The following CACNA2D3 variants were observed in gnomAD, a reference collection of about 807,000 sequenced individuals.
CACNA2D3 encodes voltage-dependent calcium channel subunit alpha-2/delta-3.
In CACNA2D3, 60 loss-of-function variants were observed where a neutral mutation model predicts 160.6. That is an observed-to-expected ratio of 0.37 (90% CI 0.30 to 0.46). The LOEUF (loss-of-function observed/expected upper bound fraction) is 0.46, where lower values mean the gene tolerates loss of function less well. CACNA2D3 is among the 20% of genes least tolerant of loss of function. The pLI is 1.00. For synonymous variants in CACNA2D3, 558 were observed against 492.9 expected (o/e 1.13, Z -1.75); for missense variants, 1,205 against 1,365.0 (o/e 0.88, Z 1.85).
At chr3:54,643,164 T>A (rs529098) in intron 11 of CACNA2D3, among the ~76,000 whole-genome samples, 4 of 152,106 alleles carry the variant, frequency 2.6e-5, no homozygotes, top group South Asian at 2.1e-4. Context: ...GGCCAAGTCC[T>A]TACTGCTTTA....
chr3:54,291,238 A>G (rs983535511), intron 2 of CACNA2D3, among the ~76,000 whole-genome samples: 1 of 152,212 alleles, frequency 6.6e-6, no homozygotes, highest in African/African-American at 2.4e-5. Flanking sequence ...TACTTGTTTA[A>G]TAAAGAAAAT....
chr3:54,517,020 G>A (rs1701562240), intron 5 of CACNA2D3, among the ~76,000 whole-genome samples: 1 of 152,198 alleles, frequency 6.6e-6, no homozygotes, highest in African/African-American at 2.4e-5. Context: ...GAGTTGGGTG[G>A]TGGTGATTTG....
At chr3:54,633,393 C>A (rs573044104) in intron 10 of CACNA2D3, among the ~76,000 whole-genome samples, 2 of 152,118 alleles carry the variant, frequency 1.3e-5, no homozygotes, top group Non-Finnish European at 2.9e-5. Context: ...ATAATGATAG[C>A]GTTGGAAGAC....
At chr3:54,397,554 C>T (rs898187108) in intron 4 of CACNA2D3, among the ~76,000 whole-genome samples, 3 of 144,634 alleles carry the variant, frequency 2.1e-5, no homozygotes, top group Admixed American at 7.0e-5. Context: ...ATTTTTATTT[C>T]TGTCTTCATT....
At chr3:54,172,607 A>G (rs1700599308) in intron 2 of CACNA2D3, among the ~76,000 whole-genome samples, 2 of 152,354 alleles carry the variant, frequency 1.3e-5, no homozygotes, top group Non-Finnish European at 2.9e-5. Context: ...TAGTTCTAGA[A>G]TAAAAGTATG....
At chr3:54,526,252 T>C (rs1701720783) in intron 5 of CACNA2D3, among the ~76,000 whole-genome samples, 1 of 152,186 alleles carries the variant, frequency 6.6e-6, no homozygotes, top group African/African-American at 2.4e-5. Context: ...ATTATGGTTT[T>C]CTTTAATTCT....
chr3:54,786,121 C>G (rs1461520175), intron 13 of CACNA2D3, among the ~76,000 whole-genome samples: 1 of 152,330 alleles, frequency 6.6e-6, no homozygotes, highest in East Asian at 1.9e-4. Flanking sequence ...CCACCTATTA[C>G]TCTCTCATAG....
At chr3:54,598,056 C>A (rs58037472) in intron 9 of CACNA2D3, among the ~76,000 whole-genome samples, 1 of 151,102 alleles carries the variant, frequency 6.6e-6, no homozygotes, top group Non-Finnish European at 1.5e-5. Context: ...TTGGGAAGCC[C>A]AGGTGGGTGG....
chr3:54,661,838 ATGTGTG>A (rs780111250), intron 11 of CACNA2D3, among the ~76,000 whole-genome samples: 1 of 146,724 alleles, frequency 6.8e-6, no homozygotes, highest in Non-Finnish European at 1.5e-5. Flanking sequence ...CATCTCAGGG[ATGTGTG>A]TATGTGTGTG....
intron 10 of CACNA2D3, chr3:54,637,881 T>A (rs547312428): frequency 6.6e-6 from 1 of 152,096 alleles, no homozygotes; most frequent in East Asian, 1.9e-4. Flanking sequence ...GGACGCGGCT[T>A]AGGAGGAATC....
chr3:54,509,307 GTGTGTT>G (rs1290175801), intron 5 of CACNA2D3, among the ~76,000 whole-genome samples: 1 of 151,810 alleles, frequency 6.6e-6, no homozygotes. Flanking sequence ...GTGTGTGTGT[GTGTGTT>G]TGAGAGAGAG....
chr3:54,826,994 C>G (rs957775812), intron 14 of CACNA2D3, among the ~76,000 whole-genome samples: 1 of 152,184 alleles, frequency 6.6e-6, no homozygotes, highest in Non-Finnish European at 1.5e-5. Context: ...CATTTAATGC[C>G]TCCAAGAACT....
rs143145932 is a variant in CACNA2D3 at position 54,417,364 on chromosome 3, T to C, written c.381+30590T>C. On this transcript the variant is annotated intron_variant, in intron 4 of 37. Coordinates refer to ENST00000474759, the MANE Select transcript of CACNA2D3 (RefSeq NM_018398.3). The stretch of plus-strand genomic sequence containing the variant: ...TTCTTGTTTGGAGTATTTTCTTTAG[T>C]AGCCAGAGATTCTGATGTTTTACTA... Among the ~76,000 whole-genome samples, 87 of 152,310 alleles carry C rather than the reference T, an allele frequency of 5.7e-4. No individual in the cohort carries two copies. The East Asian group carries it at 0.015, about 27-fold the overall frequency.
At chr3:54,403,642 T>TA (rs1699514452) in intron 4 of CACNA2D3, among the ~76,000 whole-genome samples, 1 of 151,436 alleles carries the variant, frequency 6.6e-6, no homozygotes. Flanking sequence ...AAGGAAATAA[T>TA]AAAAATCAGA....
At chr3:54,674,786 G>C (rs1183957831) in intron 11 of CACNA2D3, among the ~76,000 whole-genome samples, 1 of 152,214 alleles carries the variant, frequency 6.6e-6, no homozygotes, top group Non-Finnish European at 1.5e-5. Context: ...CTGATGGTCT[G>C]ATAGCTGAGT....
chr3:54,961,181 A>G (rs1702022440), intron 27 of CACNA2D3, among the ~76,000 whole-genome samples: 1 of 152,254 alleles, frequency 6.6e-6, no homozygotes, highest in African/African-American at 2.4e-5. Context: ...TATCACTGCT[A>G]GCAATCTTTG....
intron 11 of CACNA2D3, among the ~76,000 whole-genome samples, chr3:54,678,628 G>C (rs1197460437): frequency 1.4e-5 from 2 of 144,656 alleles, no homozygotes; most frequent in Admixed American, 1.5e-4. Context: ...GGCTGAGGCA[G>C]AAGAATCGCT....
intron 11 of CACNA2D3, among the ~76,000 whole-genome samples, chr3:54,727,988 G>A (rs937044567): frequency 6.6e-6 from 1 of 152,168 alleles, no homozygotes; most frequent in Admixed American, 6.5e-5. Flanking sequence ...TTGCTTTTTA[G>A]TATGTTTTTT....
chr3:54,378,457 A>G (rs1378740977), intron 3 of CACNA2D3, among the ~76,000 whole-genome samples: 1 of 152,152 alleles, frequency 6.6e-6, no homozygotes, highest in African/African-American at 2.4e-5. Context: ...GCCACCGACC[A>G]GTACTGGTCC....
Sources: allele counts gnomAD v4.1 joint callset (sites outside exome capture counted in the v4.1 genomes callset), GRCh38; gene constraint gnomAD v4.1.1; transcripts MANE v1.5; gene names NCBI Gene and HGNC (gene_info 2026-07-23, HGNC 2026-07-21).